RABGEF1: variants seen among roughly 807,000 people sequenced by gnomAD.
The protein encoded by RABGEF1 is rab5 GDP/GTP exchange factor.
Under a neutral mutation model 57.3 loss-of-function variants are expected in RABGEF1, and 26 were observed. The observed-to-expected ratio is 0.45, with a 90% CI of 0.33 to 0.63. The LOEUF is 0.63. Among genes scored for constraint, RABGEF1 ranks in the 20% least tolerant of loss-of-function variants. The pLI, the probability that RABGEF1 is intolerant of heterozygous loss-of-function variation, is 0.02. For missense variants in RABGEF1, 464 were observed against 607.6 expected (o/e 0.76, Z 2.48); for synonymous variants, 185 against 210.7 (o/e 0.88, Z 1.06).
At chr7:66,697,482 G>A (rs559979666) in intron 1 of RABGEF1, among the ~76,000 whole-genome samples, 8 of 152,146 alleles carry the variant, frequency 5.3e-5, no homozygotes, top group African/African-American at 7.2e-5. Flanking sequence ...CATCCCAGCC[G>A]CCAGCTCCCC....
chr7:66,776,573 G>T (rs1300454669), intron 3 of RABGEF1, among the ~76,000 whole-genome samples: 1 of 152,148 alleles, frequency 6.6e-6, no homozygotes, highest in Non-Finnish European at 1.5e-5. Context: ...TGTGCCTGTA[G>T]TTCCAGCTGA....
intron 1 of RABGEF1, among the ~76,000 whole-genome samples, chr7:66,689,590 G>A (rs957167694): frequency 1.3e-5 from 2 of 152,110 alleles, no homozygotes; most frequent in African/African-American, 4.8e-5. Flanking sequence ...ATCACCTGAG[G>A]TCAGGAGTTA....
intron 8 of RABGEF1, 115 bp downstream of exon 8, chr7:66,805,511 A>G (rs2129190348): frequency 6.8e-7 from 1 of 1,463,470 alleles, no homozygotes. Context: ...AGAAGGCAGC[A>G]TGGCTGAGGA....
At chr7:66,781,598 G>A (rs1809919951) in intron 3 of RABGEF1, among the ~76,000 whole-genome samples, 1 of 152,020 alleles carries the variant, frequency 6.6e-6, no homozygotes, top group Admixed American at 6.5e-5. Flanking sequence ...CATCCTTTGT[G>A]CTGTGGTTCT....
chr7:66,672,075 C>G, the RABGEF1 span, among the ~76,000 whole-genome samples: 616 of 151,850 alleles, frequency 4.1e-3, 3 homozygotes, highest in African/African-American at 0.014. Flanking sequence ...CTCAGACTCC[C>G]AAAGTGCTGG....
intron 2 of RABGEF1, among the ~76,000 whole-genome samples, chr7:66,714,927 T>C (rs925788239): frequency 1.3e-5 from 2 of 152,172 alleles, no homozygotes; most frequent in African/African-American, 4.8e-5. Context: ...AGAGCGAGAC[T>C]CCGTCTCAAA....
intron 1 of RABGEF1, among the ~76,000 whole-genome samples, chr7:66,770,130 G>A (rs570273011): frequency 6.6e-6 from 1 of 152,272 alleles, no homozygotes; most frequent in East Asian, 1.9e-4. Flanking sequence ...GCTTCATGAG[G>A]GTAAGGACAT....
chr7:66,760,632 T>C (rs540786341), intron 1 of RABGEF1, among the ~76,000 whole-genome samples: 1 of 152,164 alleles, frequency 6.6e-6, no homozygotes, highest in East Asian at 1.9e-4. Flanking sequence ...TTAATAGAGA[T>C]GGAGTTTCAC....
chr7:66,740,310 C>G (rs920147714), upstream of RABGEF1: 1 of 152,290 alleles, frequency 6.6e-6, no homozygotes, highest in African/African-American at 2.4e-5. Context: ...CTAGGATCCG[C>G]GAAGGACTGA....
intron 4 of RABGEF1, among the ~76,000 whole-genome samples, chr7:66,788,438 C>G (rs1811752075): frequency 6.6e-6 from 1 of 150,480 alleles, no homozygotes; most frequent in South Asian, 2.1e-4. Context: ...AGCAAGACTC[C>G]ATCTCAAAAA....
At chr7:66,749,975 AAAAC>A (rs767603168) in intron 1 of RABGEF1, among the ~76,000 whole-genome samples, 51 of 152,340 alleles carry the variant, frequency 3.3e-4, no homozygotes, top group East Asian at 1.9e-3. Flanking sequence ...CTCCATCTCA[AAAAC>A]AAACAAACAA....
chr7:66,692,320 C>T (rs1405289639), intron 1 of RABGEF1, among the ~76,000 whole-genome samples: 1 of 152,110 alleles, frequency 6.6e-6, no homozygotes, highest in Non-Finnish European at 1.5e-5. Flanking sequence ...CCTTTCCCTG[C>T]CTCCCTCTCT....
chr7:66,735,729 C>A (rs1797875589), intron 2 of RABGEF1, among the ~76,000 whole-genome samples: 1 of 152,154 alleles, frequency 6.6e-6, no homozygotes, highest in Admixed American at 6.6e-5. Flanking sequence ...GACGTGCCTG[C>A]TTTTCCTTCA....
chr7:66,773,096 C>A (rs35070132), intron 2 of RABGEF1, among the ~76,000 whole-genome samples: 9 of 144,028 alleles, frequency 6.2e-5, no homozygotes, highest in African/African-American at 1.0e-4. Context: ...TTTTTTTTTT[C>A]ATCCAGTCAG....
rs138499358 is a variant in RABGEF1, at chr7:66,746,224, G to A, written c.-18+5432G>A. Among the ~76,000 whole-genome samples the A allele has an allele frequency of 1.0e-3, 155 of 152,078 alleles. 2 individuals carry two copies. In the East Asian group the frequency reaches 0.019, roughly 19 times the overall value. Reference sequence around the variant, plus strand: ...GAAAACATTATACTTTTATGGTGCTGTTTTGAAGTTTCCTGTGAAATTCCT... The same window carrying A: ...GAAAACATTATACTTTTATGGTGCTATTTTGAAGTTTCCTGTGAAATTCCT... On this transcript the variant is annotated intron_variant, in intron 1 of 8. Transcript: ENST00000284957.
At chr7:66,676,108 TC>T in the RABGEF1 span, among the ~76,000 whole-genome samples, 7 of 151,982 alleles carry the variant, frequency 4.6e-5, no homozygotes, top group East Asian at 1.3e-3. Context: ...ATCATTGAGG[TC>T]ACGAGTTTGA....
Position 66,732,953 on chromosome 7 carries a change from T to C in RABGEF1, c.-814-7043T>C, listed in dbSNP as rs890491097. Reference sequence around the variant, plus strand: ...AAACTTCTCGGCAGTCAGGGTGAGCTTGCAAAAGTGGCAAGTCCAACCGTA... The same window carrying C: ...AAACTTCTCGGCAGTCAGGGTGAGCCTGCAAAAGTGGCAAGTCCAACCGTA... On this transcript the variant is annotated intron_variant and NMD_transcript_variant, in intron 2 of 9. Transcript: ENST00000607882. 1.1e-4 allele frequency among the ~76,000 whole-genome samples: 16 copies of C among 152,184 alleles called. 1 individual carries two copies. Among genetic ancestry groups the C allele is most frequent in the Non-Finnish European group, 1.3e-4 (9 of 68,032 alleles).
chr7:66,674,877 A>G, the RABGEF1 span, among the ~76,000 whole-genome samples: 1 of 152,030 alleles, frequency 6.6e-6, no homozygotes, highest in South Asian at 2.1e-4. Flanking sequence ...GGACGGGAAT[A>G]TTCATACTTA....
At chr7:66,676,482 T>C in the RABGEF1 span, among the ~76,000 whole-genome samples, 7 of 152,282 alleles carry the variant, frequency 4.6e-5, no homozygotes, top group Middle Eastern at 3.4e-3. Context: ...GCAAATAATG[T>C]ATTTTCAATC....
Sources: allele counts gnomAD v4.1 joint callset (sites outside exome capture counted in the v4.1 genomes callset), GRCh38; gene constraint gnomAD v4.1.1; transcripts MANE v1.5; gene names NCBI Gene and HGNC (gene_info 2026-07-23, HGNC 2026-07-21).